TAFA2: variants seen among roughly 807,000 people sequenced by gnomAD.
TAFA2 encodes TAFA chemokine like family member 2.
In TAFA2, 7 loss-of-function variants were observed where a neutral mutation model predicts 18.8. The ratio of observed to expected loss-of-function variants is 0.37; its 90% confidence interval spans 0.21 to 0.70. The LOEUF is 0.70. TAFA2 is among the 30% of genes least tolerant of loss of function. The pLI is 0.53. For missense variants in TAFA2, 122 were observed against 158.1 expected (o/e 0.77, Z 1.23); for synonymous variants, 60 against 54.2 (o/e 1.11, Z -0.47).
chr12:61,880,608 G>A (rs949738241), intron 1 of TAFA2: 2 of 421,860 alleles, frequency 4.7e-6, no homozygotes, highest in African/African-American at 4.1e-5. Flanking sequence ...GCCTATGGGG[G>A]CCTCACAAGC....
chr12:62,186,394 T>C (rs1290240966), intron 1 of TAFA2, among the ~76,000 whole-genome samples: 2 of 152,166 alleles, frequency 1.3e-5, no homozygotes, highest in East Asian at 1.9e-4. Context: ...CCAGGCTTCA[T>C]GTAGAGAGTT....
intron 1 of TAFA2, among the ~76,000 whole-genome samples, chr12:61,995,981 C>A (rs79931889): frequency 0.064 from 9,674 of 152,006 alleles, 389 homozygotes; most frequent in Non-Finnish European, 0.099. Context: ...TGTCCCCCTC[C>A]TCCCCCACAA....
At chr12:62,151,130 T>C (rs956622053) in intron 1 of TAFA2, among the ~76,000 whole-genome samples, 1 of 152,212 alleles carries the variant, frequency 6.6e-6, no homozygotes, top group African/African-American at 2.4e-5. Context: ...CTGTTCAAAT[T>C]CACATCACCA....
chr12:62,093,732 A>G (rs1189383211), intron 1 of TAFA2, among the ~76,000 whole-genome samples: 2 of 152,026 alleles, frequency 1.3e-5, no homozygotes, highest in Non-Finnish European at 2.9e-5. Context: ...TGCACTCTTT[A>G]TTGCCCTCAG....
chr12:62,104,153 A>G (rs931822616), intron 1 of TAFA2, among the ~76,000 whole-genome samples: 1 of 152,166 alleles, frequency 6.6e-6, no homozygotes, highest in African/African-American at 2.4e-5. Context: ...TAGCCTAAAT[A>G]TAGCTTGTTT....
intron 1 of TAFA2, chr12:61,879,605 G>T (rs1875026829): frequency 2.6e-6 from 2 of 783,606 alleles, no homozygotes; most frequent in Admixed American, 3.4e-5. Context: ...AGAAGGAGCA[G>T]ATCAAGACAT....
intron 1 of TAFA2, among the ~76,000 whole-genome samples, chr12:62,211,563 G>C (rs1325963630): frequency 5.1e-5 from 7 of 137,378 alleles, no homozygotes; most frequent in African/African-American, 1.1e-4. Context: ...CTGGGTGACA[G>C]AGCGAGGCTC....
chr12:61,979,580 A>G (rs1592527629), intron 1 of TAFA2, among the ~76,000 whole-genome samples: 1 of 152,026 alleles, frequency 6.6e-6, no homozygotes, highest in South Asian at 2.1e-4. Flanking sequence ...CTAGCAACCC[A>G]CTGAAGTACT....
At chr12:61,779,320 C>T (rs770951028) in intron 2 of TAFA2, among the ~76,000 whole-genome samples, 4 of 151,742 alleles carry the variant, frequency 2.6e-5, no homozygotes, top group Non-Finnish European at 5.9e-5. Context: ...GAGAAACACC[C>T]ACACTATGCA....
chr12:61,982,819 C>T (rs1311283829), intron 1 of TAFA2, among the ~76,000 whole-genome samples: 1 of 141,190 alleles, frequency 7.1e-6, no homozygotes, highest in Non-Finnish European at 1.5e-5. Flanking sequence ...CTTCATTTCA[C>T]TAAGTGCTAC....
At chr12:61,919,175 C>A (rs1415406683) in intron 1 of TAFA2, among the ~76,000 whole-genome samples, 1 of 152,110 alleles carries the variant, frequency 6.6e-6, no homozygotes, top group African/African-American at 2.4e-5. Flanking sequence ...CTTGGCCTTC[C>A]CCTATTTCTG....
At chr12:62,170,808 T>G (rs2062472493) in intron 1 of TAFA2, among the ~76,000 whole-genome samples, 1 of 152,200 alleles carries the variant, frequency 6.6e-6, no homozygotes, top group Admixed American at 6.5e-5. Flanking sequence ...GCCTCCAATG[T>G]CTATTATTCT....
At chr12:62,177,280 C>T (rs1048835269) in intron 1 of TAFA2, among the ~76,000 whole-genome samples, 1 of 152,210 alleles carries the variant, frequency 6.6e-6, no homozygotes, top group Non-Finnish European at 1.5e-5. Flanking sequence ...TCATCCATGG[C>T]TCTCTCTTCC....
chr12:62,137,631 A>G (rs12313846), intron 1 of TAFA2, among the ~76,000 whole-genome samples: 22,796 of 151,934 alleles, frequency 0.15, 1,819 homozygotes, highest in Middle Eastern at 0.19. Context: ...AATCCACTCA[A>G]AAGAATCCCA....
At chr12:62,185,317 T>C (rs1407006516) in intron 1 of TAFA2, among the ~76,000 whole-genome samples, 4 of 152,238 alleles carry the variant, frequency 2.6e-5, no homozygotes, top group African/African-American at 9.6e-5. Flanking sequence ...CATTCTCCCC[T>C]TGGCCTTTGA....
chr12:61,821,002 T>C (rs979742972), intron 2 of TAFA2, among the ~76,000 whole-genome samples: 2 of 152,004 alleles, frequency 1.3e-5, no homozygotes, highest in Non-Finnish European at 2.9e-5. Flanking sequence ...CCTTCCCTAA[T>C]TGTTGGTGGG....
intron 1 of TAFA2, among the ~76,000 whole-genome samples, chr12:61,961,543 A>G (rs1878886223): frequency 6.6e-6 from 1 of 151,994 alleles, no homozygotes; most frequent in Admixed American, 6.6e-5. Context: ...TATAAATTTA[A>G]TGTCTATAAG....
At chr12:61,818,215 C>T (rs1271863846) in intron 2 of TAFA2, among the ~76,000 whole-genome samples, 1 of 152,110 alleles carries the variant, frequency 6.6e-6, no homozygotes, top group African/African-American at 2.4e-5. Flanking sequence ...TCTATATTGT[C>T]ACGTCTGTCT....
chr12:62,084,330 C>A (rs1235134726), intron 1 of TAFA2, among the ~76,000 whole-genome samples: 1 of 152,136 alleles, frequency 6.6e-6, no homozygotes, highest in Non-Finnish European at 1.5e-5. Context: ...CAATCATTAG[C>A]ATTTCTCCAT....
Sources: gnomAD v4.1 joint callset for allele counts (sites outside exome capture counted in the v4.1 genomes callset) on GRCh38, gnomAD v4.1.1 for gene constraint, MANE v1.5 for transcripts, NCBI Gene and HGNC (gene_info 2026-07-23, HGNC 2026-07-21) for gene names.